KANK1: variants seen among roughly 807,000 people sequenced by gnomAD.
KANK1 encodes KN motif and ankyrin repeat domains 1.
In KANK1, 109 loss-of-function variants were observed where a neutral mutation model predicts 106.2. The ratio of observed to expected loss-of-function variants is 1.03; its 90% CI spans 0.88 to 1.20. The LOEUF is 1.20. Ranked by LOEUF, KANK1 falls within the 50% of genes most tolerant of loss-of-function variation. KANK1 has a pLI of 0.00. For synonymous variants in KANK1, 873 were observed against 652.2 expected (o/e 1.34, Z -5.16); for missense variants, 2,399 against 1,710.7 (o/e 1.40, Z -7.10).
chr9:490,900 A>C (rs1372514015), intron 3 of KANK1, among the ~76,000 whole-genome samples: 1 of 151,860 alleles, frequency 6.6e-6, no homozygotes, highest in Admixed American at 6.6e-5. Context: ...GATGGCAATA[A>C]GTGCTACGAA....
At chr9:633,683 C>T (rs182410112) in intron 1 of KANK1, among the ~76,000 whole-genome samples, 31 of 152,246 alleles carry the variant, frequency 2.0e-4, no homozygotes, top group Admixed American at 5.2e-4. Flanking sequence ...GACAGGGTCT[C>T]GCTTTGTCAC....
chr9:655,028 C>G (rs1841812199), intron 1 of KANK1, among the ~76,000 whole-genome samples: 1 of 151,992 alleles, frequency 6.6e-6, no homozygotes, highest in Non-Finnish European at 1.5e-5. Flanking sequence ...AGGTCTCACC[C>G]CCAGAGATTA....
chr9:661,501 C>T (rs913579368), intron 1 of KANK1, among the ~76,000 whole-genome samples: 5 of 152,146 alleles, frequency 3.3e-5, no homozygotes, highest in Non-Finnish European at 5.9e-5. Flanking sequence ...ATATGTGCCA[C>T]GTTTTATTAA....
At chr9:695,162 C>G (rs987325186) in intron 2 of KANK1, among the ~76,000 whole-genome samples, 1 of 152,094 alleles carries the variant, frequency 6.6e-6, no homozygotes, top group African/African-American at 2.4e-5. Flanking sequence ...TTCCCCCAAC[C>G]TAGGCAGGCC....
chr9:476,146 A>C (rs74929039), intron 3 of KANK1, among the ~76,000 whole-genome samples: 5 of 144,428 alleles, frequency 3.5e-5, no homozygotes, highest in African/African-American at 1.3e-4. Context: ...CTCCATCTCA[A>C]AAAAAAAAAA....
intron 10 of KANK1, 63 bp from the exon 11 acceptor site, chr9:744,428 C>G (rs1223569540): frequency 6.4e-7 from 1 of 1,555,212 alleles, no homozygotes; most frequent in African/African-American, 1.4e-5. Context: ...TGTTCTGTTA[C>G]CTTTCGGTTG....
chr9:693,358 G>C, intron 2 of KANK1: 1 of 984,174 alleles, frequency 1.0e-6, no homozygotes, highest in Non-Finnish European at 1.2e-6. Flanking sequence ...GAGGGTTAGG[G>C]AAAGAGGGAG....
In KANK1 at chr9:712,663, T is replaced by C. The variant is rs375208881; in HGVS notation, c.1897T>C (p.Cys633Arg). The C allele has an allele frequency of 1.9e-6, 3 of 1,613,938 alleles. No homozygotes were observed. The African/African-American group carries it at 4.0e-5, about 22-fold the overall frequency. Reference protein sequence around the residue: ...KEVRSIGCGDCSVDVTVCSPK... With the variant: ...KEVRSIGCGDRSVDVTVCSPK... ...AGTGCGGTCTATCGGTTGTGGAGAT[T>C]GTTCTGTTGACGTGACCGTCTGCTC... The change falls in exon 3 of 12, where the codon TGT becomes CGT. Residue 633 changes from cysteine to arginine, a missense_variant. Coordinates refer to ENST00000382297, the MANE Select transcript of KANK1 (RefSeq NM_015158.5).
rs764764551 is a variant in KANK1, at chr9:710,887, C to T, written c.121C>T (p.Leu41=). The T allele has an allele frequency of 6.2e-7, 1 of 1,614,064 alleles. No homozygotes were observed. The highest frequency in any genetic ancestry group is 1.7e-5 in the Admixed American group (1 of 60,028). ...TGTGGAGACCCCCTATGGTTATCAA[C>T]TAGACTTAGATTTCCTCAAATATGT... ...YFVETPYGYQ[L]DLDFLKYVDD... The change falls in exon 3 of 12, where the codon CTA becomes TTA. Residue 41 remains leucine (L), a synonymous_variant. Transcript: ENST00000382297.
At chr9:590,599 T>G (rs1824614762) in intron 1 of KANK1, among the ~76,000 whole-genome samples, 1 of 151,772 alleles carries the variant, frequency 6.6e-6, no homozygotes, top group Admixed American at 6.6e-5. Flanking sequence ...AATATGTAAC[T>G]TTACCACCAT....
At chr9:502,927 A>C (rs1038439002), upstream of KANK1, among the ~76,000 whole-genome samples, 5 of 150,890 alleles carry the variant, frequency 3.3e-5, no homozygotes, top group African/African-American at 1.2e-4. Flanking sequence ...CTCGACCTCC[A>C]GGGCTCAGGC....
intron 1 of KANK1, chr9:539,425 G>A (rs2060469803): frequency 6.6e-6 from 1 of 152,076 alleles, no homozygotes; most frequent in Non-Finnish European, 1.5e-5. Flanking sequence ...GTTTCTTTTA[G>A]CAATGTTTTA....
At chr9:584,541 G>C (rs971836952) in intron 1 of KANK1, among the ~76,000 whole-genome samples, 4 of 152,144 alleles carry the variant, frequency 2.6e-5, no homozygotes, top group Admixed American at 2.6e-4. Context: ...CTGTTGATTT[G>C]ACACATTTTG....
At position 608,965 on chromosome 9, in the gene KANK1, G is replaced by A. The variant is rs530793749; in HGVS notation, c.-83-67925G>A. 3.9e-4 allele frequency among the ~76,000 whole-genome samples: 59 copies of A among 152,200 alleles called. 2 individuals are homozygous for A. Among genetic ancestry groups the A allele is most frequent in the African/African-American group, 1.1e-3 (47 of 41,512 alleles). ...AAATAACACATGGGCGTATACTCACGCTTGTTGTTAGCTTTCGGGGTCACT... is the reference window on the plus strand; with the variant it reads ...AAATAACACATGGGCGTATACTCACACTTGTTGTTAGCTTTCGGGGTCACT... On this transcript the variant is annotated intron_variant, in intron 1 of 11. Coordinates refer to ENST00000382297, the MANE Select transcript of KANK1 (RefSeq NM_015158.5).
At chr9:508,470 A>G (rs1208123714) in intron 1 of KANK1, among the ~76,000 whole-genome samples, 1 of 152,164 alleles carries the variant, frequency 6.6e-6, no homozygotes, top group Non-Finnish European at 1.5e-5. Context: ...CATCTTCACA[A>G]ATTGTCACAA....
chr9:707,111 C>T (rs1419308447), intron 2 of KANK1: 2 of 985,332 alleles, frequency 2.0e-6, no homozygotes, highest in Non-Finnish European at 1.2e-6. Flanking sequence ...CCGAGCGTGG[C>T]CGGCCAAGTT....
At position 637,438 on chromosome 9, in the gene KANK1, A is replaced by G. The variant is rs116971080; in HGVS notation, c.-83-39452A>G. Among the ~76,000 whole-genome samples the G allele has an allele frequency of 1.4e-3, 206 of 152,338 alleles. 2 individuals carry two copies. The highest frequency in any genetic ancestry group is 2.1e-3 in the Non-Finnish European group (142 of 68,036). ...ATGACTGATAGCTGATGTCATAAGT[A>G]GTGTTTCTTGCAGCAAAGTTTCATA... On this transcript the variant is annotated intron_variant, in intron 1 of 11. Coordinates refer to ENST00000382297, the MANE Select transcript of KANK1 (RefSeq NM_015158.5).
chr9:603,014 G>T lies in KANK1; in HGVS notation c.-83-73876G>T, dbSNP rs116430777. On this transcript the variant is annotated intron_variant, in intron 1 of 11. Transcript: ENST00000382297. ...CACAGTGATAATTATCTTCCTTAGC[G>T]TTTTGTTCTACTTCAGAGCTCATTT... is the stretch of plus-strand genomic sequence containing the variant. 1.9e-3 allele frequency among the ~76,000 whole-genome samples: 290 copies of T among 151,928 alleles called. 9 individuals carry two copies. The highest frequency in any genetic ancestry group is 6.7e-3 in the African/African-American group (275 of 41,232).
intron 7 of KANK1, among the ~76,000 whole-genome samples, chr9:735,243 C>T (rs1207066083): frequency 6.6e-6 from 1 of 152,026 alleles, no homozygotes; most frequent in Admixed American, 6.6e-5. Context: ...CTATCTGAGC[C>T]AAGGTCAGCA....
Sources: allele counts gnomAD v4.1 joint callset (sites outside exome capture counted in the v4.1 genomes callset), GRCh38; gene constraint gnomAD v4.1.1; transcripts MANE v1.5; gene names NCBI Gene and HGNC (gene_info 2026-07-23, HGNC 2026-07-21).